Variants in SLC12A6 observed in about 807,000 individuals in gnomAD.
The protein encoded by SLC12A6 is K-Cl cotransporter 3.
Under a neutral mutation model 135.3 loss-of-function variants are expected in SLC12A6, and 66 were observed. The observed-to-expected ratio is 0.49, with a 90% CI of 0.40 to 0.60. The LOEUF is 0.60. Ranked by LOEUF, SLC12A6 falls within the 20% of genes least tolerant of loss-of-function variation. The pLI is 0.00. For missense variants in SLC12A6, 1,058 were observed against 1,452.3 expected (o/e 0.73, Z 4.41); for synonymous variants, 513 against 508.8 (o/e 1.01, Z -0.11).
chr15:34,243,188 G>A (rs867140125), intron 16 of SLC12A6, among the ~76,000 whole-genome samples: 30 of 152,098 alleles, frequency 2.0e-4, no homozygotes, highest in African/African-American at 7.2e-4. Flanking sequence ...CACCACGCCC[G>A]GCCTCATAAA....
At chr15:34,279,493 T>A (rs531173416) in intron 2 of SLC12A6, among the ~76,000 whole-genome samples, 132 of 152,330 alleles carry the variant, frequency 8.7e-4, no homozygotes, top group African/African-American at 3.0e-3. Context: ...CAATCCAAAT[T>A]GTGCAGTCAT....
intron 2 of SLC12A6, among the ~76,000 whole-genome samples, chr15:34,331,006 C>T (rs572358452): frequency 6.6e-6 from 1 of 151,900 alleles, no homozygotes; most frequent in Non-Finnish European, 1.5e-5. Flanking sequence ...CGCACCATTG[C>T]ACTCCAGCCT....
intron 21 of SLC12A6, 137 bp downstream of exon 21, chr15:34,238,095 G>T: frequency 1.4e-6 from 1 of 704,726 alleles, no homozygotes; most frequent in Non-Finnish European, 2.5e-6. Context: ...GTGGGATCAT[G>T]GGAAAGCCTA....
At chr15:34,318,236 T>A (rs1005823803) in intron 2 of SLC12A6, among the ~76,000 whole-genome samples, 3 of 152,236 alleles carry the variant, frequency 2.0e-5, no homozygotes, top group African/African-American at 7.2e-5. Flanking sequence ...TAATCTAAAC[T>A]GTGAGGAAAA....
intron 24 of SLC12A6, 107 bp downstream of exon 24, chr15:34,235,908 A>G: frequency 1.1e-6 from 1 of 878,974 alleles, no homozygotes; most frequent in Non-Finnish European, 2.0e-6. Flanking sequence ...TGAGGTGGCT[A>G]GATTCAGGGT....
chr15:34,318,733 G>GT, intron 2 of SLC12A6: 1 of 1,610,124 alleles, frequency 6.2e-7, no homozygotes, highest in East Asian at 2.2e-5. Context: ...CTTCCAGTTA[G>GT]TTTTCCCTGC....
chr15:34,332,842 T>A (rs1889945809), intron 2 of SLC12A6, among the ~76,000 whole-genome samples: 1 of 151,486 alleles, frequency 6.6e-6, no homozygotes, highest in Non-Finnish European at 1.5e-5. Context: ...TATAAAAATA[T>A]GTTTTATAGC....
chr15:34,285,689 TATATGTGTGTGTGTGTGTGTGTGTTTGTC>T (rs1311259433), intron 2 of SLC12A6, among the ~76,000 whole-genome samples: 1 of 16,216 alleles, frequency 6.2e-5, no homozygotes, highest in Admixed American at 5.0e-4. Context: ...CAAAATGTGC[TATATGTGTGTGTGTGTGTGTGTGTTTGTC>T]ATACATAAAA....
At chr15:34,319,433 G>C (rs113544148) in intron 2 of SLC12A6, among the ~76,000 whole-genome samples, 2,296 of 151,840 alleles carry the variant, frequency 0.015, 65 homozygotes, top group African/African-American at 0.053. Context: ...GTGAGCCACC[G>C]TGCCCAGCCG....
Position 34,273,521 on chromosome 15 carries a change from T to C in SLC12A6, c.316+1824A>G, listed in dbSNP as rs188679616. Among the ~76,000 whole-genome samples, 387 of 152,350 alleles carry C rather than the reference T, an allele frequency of 2.5e-3. 1 individual carries two copies. Among genetic ancestry groups the C allele is most frequent in the African/African-American group, 9.1e-3 (379 of 41,580 alleles). ...AAACTCACTAAAGGAATGAGGGCTA[T>C]GGTCTCATAAACTCTTCTCATTAAC... On this transcript the variant is annotated intron_variant, in intron 3 of 25. Coordinates refer to ENST00000354181, the MANE Select transcript of SLC12A6 (RefSeq NM_001365088.1).
chr15:34,241,379 G>C (rs1891629959), intron 17 of SLC12A6, 42 bp from the exon 18 acceptor site: 2 of 1,050,902 alleles, frequency 1.9e-6, no homozygotes, highest in Admixed American at 1.7e-5. Flanking sequence ...TTAAACTATA[G>C]TAAGTATAAT....
At chr15:34,334,711 T>A (rs1397617997) in intron 2 of SLC12A6, among the ~76,000 whole-genome samples, 2 of 152,236 alleles carry the variant, frequency 1.3e-5, no homozygotes, top group East Asian at 3.8e-4. Flanking sequence ...AGGAATGTGT[T>A]ATATAGAGAA....
chr15:34,327,145 CT>C (rs1008378108), intron 2 of SLC12A6, among the ~76,000 whole-genome samples: 21 of 151,794 alleles, frequency 1.4e-4, no homozygotes, highest in Non-Finnish European at 2.4e-4. Context: ...AATAAAATGA[CT>C]TTTTAAAAAA....
chr15:34,258,285 T>G (rs763399354), intron 5 of SLC12A6, among the ~76,000 whole-genome samples: 3 of 152,198 alleles, frequency 2.0e-5, no homozygotes, highest in Non-Finnish European at 4.4e-5. Context: ...ATTTTCATTT[T>G]GAGACAAACT....
intron 21 of SLC12A6, among the ~76,000 whole-genome samples, chr15:34,237,823 C>G (rs1207276237): frequency 6.6e-6 from 1 of 152,160 alleles, no homozygotes; most frequent in Non-Finnish European, 1.5e-5. Flanking sequence ...GTACTTTATT[C>G]AGACAGTGTA....
At chr15:34,235,102 C>T in intron 25 of SLC12A6, 79 bp downstream of exon 25, 4 of 1,311,646 alleles carry the variant, frequency 3.0e-6, no homozygotes, top group Non-Finnish European at 4.4e-6. Flanking sequence ...TAGACAATGA[C>T]TTTTATTGTT....
At chr15:34,307,052 T>A (rs967313486) in intron 2 of SLC12A6, among the ~76,000 whole-genome samples, 1 of 152,184 alleles carries the variant, frequency 6.6e-6, no homozygotes, top group Non-Finnish European at 1.5e-5. Context: ...AAGAAACTTC[T>A]GGGGGTGACG....
chr15:34,238,216 A>AG lies in SLC12A6; in HGVS notation c.2802+15_2802+16insC. 1 of 1,596,764 alleles carries AG rather than the reference A, an allele frequency of 6.3e-7. No individual in the cohort carries two copies. The highest frequency in any genetic ancestry group is 2.2e-5 in the East Asian group (1 of 44,802). On this transcript the variant is annotated intron_variant, in intron 21 of 25. Transcript: ENST00000354181. ...AGGGAGAAAGACTTTTGTAAAAAAA[A>AG]AGTTGTATAAAATACCTTGTGCTGT...
chr15:34,236,117 T>C lies in SLC12A6; in HGVS notation c.3125A>G (p.Gln1042Arg). Residue 1042 changes from glutamine to arginine, a missense_variant, in exon 24 of 26, where the codon CAG becomes CGG. Around this residue, in one of 6 missense-constraint regions of SLC12A6, gnomAD observed 245 missense variants for 440.8 expected, o/e 0.56. Coordinates refer to ENST00000354181, the MANE Select transcript of SLC12A6 (RefSeq NM_001365088.1). Reference sequence around the variant, plus strand: ...TGTCCAAGTCATGTGCACCTTCTCCTGATAGGTTTCTGTCTCTTCGTCCTC... The same window carrying C: ...TGTCCAAGTCATGTGCACCTTCTCCCGATAGGTTTCTGTCTCTTCGTCCTC... ...SDEDEETETY[Q>R]EKVHMTWTKD... 1 of 1,613,574 alleles carries C rather than the reference T, an allele frequency of 6.2e-7. No homozygotes were observed. The highest frequency in any genetic ancestry group is 8.5e-7 in the Non-Finnish European group (1 of 1,179,442).
Sources: allele counts gnomAD v4.1 joint callset (sites outside exome capture counted in the v4.1 genomes callset), GRCh38; gene constraint gnomAD v4.1.1; regional missense constraint gnomAD v4.1.1; transcripts MANE v1.5; gene names NCBI Gene and HGNC (gene_info 2026-07-23, HGNC 2026-07-21).